GPM6B: variants seen among roughly 807,000 people sequenced by gnomAD.
The protein encoded by GPM6B is glycoprotein M6B, also known as neuronal membrane glycoprotein M6-b.
In GPM6B, 4 loss-of-function variants were observed where a neutral mutation model predicts 27.2. The observed-to-expected ratio is 0.15, with a 90% CI of 0.07 to 0.34. The LOEUF (loss-of-function observed/expected upper bound fraction) is 0.34, where lower values mean the gene tolerates loss of function less well. Among genes scored for constraint, GPM6B ranks in the 10% least tolerant of loss-of-function variants. The pLI is 1.00. For synonymous variants in GPM6B, 124 were observed against 103.1 expected, an observed-to-expected ratio of 1.20 and a Z score of -1.23; for missense variants, 183 against 261.9, an observed-to-expected ratio of 0.70 and a Z score of 2.08.
intron 1 of GPM6B, among the ~76,000 whole-genome samples, chrX:13,896,830 A>C (rs2050237711): frequency 8.9e-6 from 1 of 111,870 alleles, no homozygotes; most frequent in Non-Finnish European, 1.9e-5. Context: ...GGCCTCCCAA[A>C]GTGCTGGGAT....
At chrX:13,895,290 A>G (rs2050222455) in intron 1 of GPM6B, among the ~76,000 whole-genome samples, 1 of 110,830 alleles carries the variant, frequency 9.0e-6, no homozygotes, top group Non-Finnish European at 1.9e-5. Flanking sequence ...ACGACCTGGT[A>G]CTTTTTTTTT....
intron 1 of GPM6B, among the ~76,000 whole-genome samples, chrX:13,824,283 T>G (rs2147208730): frequency 8.9e-6 from 1 of 112,524 alleles, no homozygotes; most frequent in African/African-American, 3.2e-5. Context: ...GAGCTATCTT[T>G]TCTTCCGTAA....
chrX:13,827,068 G>C (rs1210532238), intron 1 of GPM6B, among the ~76,000 whole-genome samples: 1 of 109,930 alleles, frequency 9.1e-6, no homozygotes. Flanking sequence ...ACCGGGGCTG[G>C]GTTATTCTCT....
intron 1 of GPM6B, among the ~76,000 whole-genome samples, chrX:13,862,887 G>A (rs1416417049): frequency 9.3e-6 from 1 of 107,856 alleles, no homozygotes; most frequent in African/African-American, 3.4e-5. Flanking sequence ...TGTAGAGATG[G>A]GGTTTTGCTA....
At position 13,785,713 on chromosome X, in the gene GPM6B, C is replaced by T. The variant is rs1374251909; in HGVS notation, c.277G>A (p.Gly93Ser). The change falls in exon 3 of 8, where the codon GGC (glycine) becomes AGC (serine). Residue 93 changes from glycine (G) to serine (S), a missense_variant. Transcript: ENST00000316715. ...CCTGCGAGAGCCACATGCCCACAGC[C>T]GCAGAATAAGGCCACCCCGGAGAAG... ...LCFSGVALFC[G>S]CGHVALAGTV... 1 of 1,211,625 alleles carries T rather than the reference C, an allele frequency of 8.3e-7. No individual in the cohort carries two copies. The highest frequency in any genetic ancestry group is 2.2e-5 in the Admixed American group (1 of 46,090).
In GPM6B at chrX:13,793,759, C is replaced by T. The variant is rs187715801; in HGVS notation, c.182-7951G>A. Among the ~76,000 whole-genome samples, 49 of 110,987 alleles carry T rather than the reference C, an allele frequency of 4.4e-4. 1 individual carries two copies. The highest frequency in any genetic ancestry group is 2.8e-3 in the East Asian group (10 of 3,547). ...CAATTTTATCAGAATTTATTGGGGA[C>T]GGGACTCAGGAATTAGAGGGTTGGG... On this transcript the variant is annotated intron_variant, in intron 2 of 7. Transcript: ENST00000316715.
At chrX:13,780,552 T>C (rs188334485) in intron 4 of GPM6B, among the ~76,000 whole-genome samples, 1 of 112,242 alleles carries the variant, frequency 8.9e-6, no homozygotes, top group African/African-American at 3.2e-5. Context: ...ACCAAAAGTT[T>C]CAAATAATCA....
Position 13,771,387 on chromosome X carries a change from T to TA in GPM6B, c.*1493dup, listed in dbSNP as rs36124011. The TA allele has an allele frequency of 1.5e-3, 148 of 100,900 alleles. No individual in the cohort carries two copies. Among genetic ancestry groups the TA allele is most frequent in the Middle Eastern group, 0.01 (2 of 197 alleles). The allele number at this position is 100,900 out of a possible 1,213,427, so 8.3% of individuals were successfully genotyped here. A position where few individuals can be genotyped will look rare whatever the true frequency, so the allele number is the denominator to read the frequency against. On this transcript the variant is annotated 3_prime_UTR_variant, in exon 8 of 8. Coordinates refer to ENST00000316715, the MANE Select transcript of GPM6B (RefSeq NM_001001995.3). ...ACACAGAAGAGAGCTTCTCTTAATT[T>TA]AAAAAAAAAAAAAAATCCCAAATAG...
At chrX:13,936,203 T>C (rs1467261780) in intron 1 of GPM6B, among the ~76,000 whole-genome samples, 1 of 112,350 alleles carries the variant, frequency 8.9e-6, no homozygotes, top group Non-Finnish European at 1.9e-5. Flanking sequence ...GAATTACATC[T>C]TAAGGCTATA....
intron 1 of GPM6B, among the ~76,000 whole-genome samples, chrX:13,919,500 AAGAT>A (rs1394725650): frequency 8.9e-6 from 1 of 112,405 alleles, no homozygotes; most frequent in African/African-American, 3.2e-5. Context: ...AATTTATAGT[AAGAT>A]AGAGATCCAA....
intron 1 of GPM6B, among the ~76,000 whole-genome samples, chrX:13,904,486 T>C (rs760130782): frequency 1.4e-4 from 16 of 111,913 alleles, no homozygotes; most frequent in Non-Finnish European, 3.0e-4. Flanking sequence ...TGGAGGCATG[T>C]GGACTCACTT....
chrX:13,781,981 T>A (rs923783656), intron 4 of GPM6B, among the ~76,000 whole-genome samples: 1 of 111,851 alleles, frequency 8.9e-6, no homozygotes, highest in Non-Finnish European at 1.9e-5. Flanking sequence ...GCAGATCTCA[T>A]CCACCTTCTC....
rs759013369 is a variant in GPM6B, at chrX:13,774,685, ACTTCTAAACTTGGGTGGGGACGGGTG to A, written c.837+1527_837+1552del. On this transcript the variant is annotated intron_variant, in intron 7 of 7. Transcript: ENST00000316715. The stretch of plus-strand genomic sequence containing the variant: ...AGGCAGTGAGGGCCGATGCCATGAC[ACTTCTAAACTTGGGTGGGGACGGGTG>A]CCTGCTCATAGTCTAAGGTGTTTTT... 369 of 911,456 alleles carry A rather than the reference ACTTCTAAACTTGGGTGGGGACGGGTG, an allele frequency of 4.0e-4. 4 individuals are homozygous for A. In the East Asian group the frequency reaches 8.8e-3, roughly 22 times the overall value. The allele number at this position is 911,456 out of a possible 1,213,427, so 75.1% of individuals were successfully genotyped here. A position where few individuals can be genotyped will look rare whatever the true frequency, so the allele number is the denominator to read the frequency against.
intron 2 of GPM6B, among the ~76,000 whole-genome samples, chrX:13,795,572 A>C (rs747599196): frequency 9.0e-6 from 1 of 111,566 alleles, no homozygotes; most frequent in South Asian, 3.8e-4. Flanking sequence ...TATTAAAGAG[A>C]TTTGCAAAAA....
At chrX:13,876,949 A>G (rs765210747) in intron 1 of GPM6B, among the ~76,000 whole-genome samples, 2 of 111,264 alleles carry the variant, frequency 1.8e-5, no homozygotes, top group Non-Finnish European at 3.8e-5. Flanking sequence ...GCAGGGCTGT[A>G]GTTCATGCAA....
At chrX:13,874,593 C>G (rs1195299103) in intron 1 of GPM6B, among the ~76,000 whole-genome samples, 2 of 110,303 alleles carry the variant, frequency 1.8e-5, no homozygotes, top group Non-Finnish European at 3.8e-5. Flanking sequence ...CCCTGTAATC[C>G]CAGGTACTTG....
At chrX:13,822,879 G>A (rs2049327154) in intron 1 of GPM6B, among the ~76,000 whole-genome samples, 1 of 111,862 alleles carries the variant, frequency 8.9e-6, no homozygotes, top group African/African-American at 3.2e-5. Context: ...TAAAAATGCT[G>A]CATACATTTA....
At chrX:13,871,121 A>AAC (rs1307003580) in intron 1 of GPM6B, among the ~76,000 whole-genome samples, 1 of 111,093 alleles carries the variant, frequency 9.0e-6, no homozygotes, top group Non-Finnish European at 1.9e-5. Flanking sequence ...AAACAAAAAA[A>AAC]AAAGAAGTTA....
chrX:13,796,070 G>A (rs1316688459), intron 2 of GPM6B, among the ~76,000 whole-genome samples: 1 of 111,670 alleles, frequency 9.0e-6, no homozygotes, highest in African/African-American at 3.3e-5. Context: ...GGCATTACAG[G>A]CACGCACCAC....
Sources: gnomAD v4.1 joint callset for allele counts (sites outside exome capture counted in the v4.1 genomes callset) on GRCh38, gnomAD v4.1.1 for gene constraint, MANE v1.5 for transcripts, NCBI Gene and HGNC (gene_info 2026-07-23, HGNC 2026-07-21) for gene names.